The following LIMCH1 variants were observed in gnomAD, a reference collection of about 807,000 sequenced individuals.
LIMCH1 encodes LIM and calponin homology domains-containing protein 1.
In LIMCH1, 113 loss-of-function variants were observed where a neutral mutation model predicts 176.5. The observed-to-expected ratio is 0.64, with a 90% confidence interval of 0.55 to 0.75. The LOEUF (loss-of-function observed/expected upper bound fraction) is 0.75, where lower values mean the gene tolerates loss of function less well. LIMCH1 is among the 30% of genes least tolerant of loss of function. The pLI is 0.00. For missense variants in LIMCH1, 1,674 were observed against 1,814.9 expected (o/e 0.92, Z 1.41); for synonymous variants, 619 against 645.9 (o/e 0.96, Z 0.63).
At chr4:41,477,477 T>A (rs1239157639) in intron 1 of LIMCH1, among the ~76,000 whole-genome samples, 1 of 152,036 alleles carries the variant, frequency 6.6e-6, no homozygotes, top group Non-Finnish European at 1.5e-5. Context: ...AGTAAACGAG[T>A]TGATGAAGAT....
intron 1 of LIMCH1, among the ~76,000 whole-genome samples, chr4:41,431,696 TCTCTA>T (rs2061618673): frequency 1.3e-5 from 2 of 152,212 alleles, no homozygotes; most frequent in African/African-American, 4.8e-5. Context: ...TATGTTTTCT[TCTCTA>T]CTCACATTTT....
chr4:41,642,360 G>C (rs1172456680), intron 14 of LIMCH1, among the ~76,000 whole-genome samples: 1 of 151,850 alleles, frequency 6.6e-6, no homozygotes, highest in Admixed American at 6.6e-5. Flanking sequence ...GAATTTTTGT[G>C]TCTTTCTGGA....
intron 22 of LIMCH1, among the ~76,000 whole-genome samples, chr4:41,673,494 G>A (rs576535262): frequency 1.5e-4 from 23 of 152,250 alleles, no homozygotes; most frequent in Admixed American, 1.4e-3. Flanking sequence ...GATAGTAAAT[G>A]TCTCATCATA....
chr4:41,487,003 T>C (rs67272765), intron 1 of LIMCH1, among the ~76,000 whole-genome samples: 20,745 of 125,704 alleles, frequency 0.17, 1,562 homozygotes, highest in South Asian at 0.27. Flanking sequence ...CACACACACA[T>C]ATATATATAC....
intron 18 of LIMCH1, among the ~76,000 whole-genome samples, chr4:41,656,412 A>T (rs988248567): frequency 2.0e-5 from 3 of 152,236 alleles, no homozygotes; most frequent in Non-Finnish European, 2.9e-5. Flanking sequence ...AAGTCATTAA[A>T]GATATTTAGA....
chr4:41,514,457 C>G (rs2075342545), intron 2 of LIMCH1, among the ~76,000 whole-genome samples: 1 of 152,096 alleles, frequency 6.6e-6, no homozygotes, highest in Non-Finnish European at 1.5e-5. Flanking sequence ...GGGGAGGAAG[C>G]AGTAAGCATG....
chr4:41,426,017 CTTTTTTT>C (rs913325890), intron 1 of LIMCH1, among the ~76,000 whole-genome samples: 1 of 102,884 alleles, frequency 9.7e-6, no homozygotes, highest in Non-Finnish European at 1.9e-5. Flanking sequence ...TGAAAAGATT[CTTTTTTT>C]TTTTTTTTTT....
Position 41,521,772 on chromosome 4 carries a change from C to T in LIMCH1, c.168-2637C>T, listed in dbSNP as rs187120823. ...TATGGTAAAACATTGTGAGAGAAAT[C>T]ATAGTTTCTGCTACTTTTAAGTAAG... On this transcript the variant is annotated intron_variant, in intron 2 of 26. Coordinates refer to the LIMCH1 transcript ENST00000313860. 4.2e-3 allele frequency among the ~76,000 whole-genome samples: 643 copies of T among 152,064 alleles called. 3 individuals are homozygous for T. Among genetic ancestry groups the T allele is most frequent in the Non-Finnish European group, 7.3e-3 (493 of 67,970 alleles).
chr4:41,422,042 C>T (rs1298130784), intron 1 of LIMCH1, among the ~76,000 whole-genome samples: 2 of 152,014 alleles, frequency 1.3e-5, no homozygotes, highest in East Asian at 3.9e-4. Flanking sequence ...GGGATCACAC[C>T]ACTGCACTCC....
At chr4:41,606,302 C>T (rs1005457822) in intron 4 of LIMCH1, among the ~76,000 whole-genome samples, 2 of 152,138 alleles carry the variant, frequency 1.3e-5, no homozygotes, top group Non-Finnish European at 2.9e-5. Context: ...ATGCTCAGTG[C>T]TTGTTTTCTT....
In LIMCH1 at chr4:41,662,828, G is replaced by A; in HGVS notation, c.3135G>A (p.Gln1045=). The A allele has an allele frequency of 6.2e-7, 1 of 1,613,994 alleles. No individual in the cohort carries two copies. The highest frequency in any genetic ancestry group is 8.5e-7 in the Non-Finnish European group (1 of 1,179,954). ...GNIELASSEP[Q]HFTTTVTRCS... is the part of the protein sequence containing the mutation. ...GATGTAACTCCATTGCAGAACCACA[G>A]CATTTTACAACAACTGTGACTCGAT... is the stretch of plus-strand genomic sequence containing the variant. Residue 1045 remains glutamine (Q), a synonymous_variant, in exon 20 of 32, where the codon CAG becomes CAA. Coordinates refer to ENST00000503057, the MANE Select transcript of LIMCH1 (RefSeq NM_001330672.2).
At chr4:41,602,007 C>A (rs2090000007) in intron 2 of LIMCH1, among the ~76,000 whole-genome samples, 1 of 150,166 alleles carries the variant, frequency 6.7e-6, no homozygotes, top group African/African-American at 2.4e-5. Flanking sequence ...GGATGGTTTT[C>A]TGGAAGTTTT....
At chr4:41,643,523 T>C (rs1006424521) in intron 14 of LIMCH1, among the ~76,000 whole-genome samples, 1 of 152,234 alleles carries the variant, frequency 6.6e-6, no homozygotes, top group Non-Finnish European at 1.5e-5. Context: ...GTTTTCATCT[T>C]GCTGCTTCAG....
chr4:41,522,381 T>C (rs955662344), intron 2 of LIMCH1, among the ~76,000 whole-genome samples: 4 of 152,162 alleles, frequency 2.6e-5, no homozygotes, highest in African/African-American at 9.7e-5. Context: ...TAAATTCTCC[T>C]CTGGAAAGTC....
intron 11 of LIMCH1, 33 bp downstream of exon 11, chr4:41,632,900 G>A (rs773879570): frequency 2.0e-6 from 3 of 1,532,300 alleles, no homozygotes; most frequent in Non-Finnish European, 2.6e-6. Context: ...TTCCCGGGAG[G>A]TGAAGGAGGA....
At chr4:41,697,114 A>C in intron 31 of LIMCH1, 46 bp from the exon 32 acceptor site, 1 of 1,609,166 alleles carries the variant, frequency 6.2e-7, no homozygotes, top group South Asian at 1.1e-5. Context: ...TGAAGCGAGA[A>C]ATGTTGCCTA....
intron 1 of LIMCH1, among the ~76,000 whole-genome samples, chr4:41,571,644 G>A (rs1388952425): frequency 6.6e-6 from 1 of 152,162 alleles, no homozygotes; most frequent in African/African-American, 2.4e-5. Flanking sequence ...TAAAAGTTTG[G>A]TGTGAGGTCC....
chr4:41,582,531 T>A (rs1051583424), intron 1 of LIMCH1, among the ~76,000 whole-genome samples: 1 of 152,164 alleles, frequency 6.6e-6, no homozygotes, highest in Admixed American at 6.5e-5. Flanking sequence ...TGGTAAGGGG[T>A]AGGGGTTCTG....
intron 2 of LIMCH1, among the ~76,000 whole-genome samples, chr4:41,503,406 G>A (rs1160350383): frequency 6.6e-6 from 1 of 152,130 alleles, no homozygotes; most frequent in East Asian, 1.9e-4. Context: ...TTAAGAAGCT[G>A]TTATCAAAGA....
Sources: allele counts gnomAD v4.1 joint callset (sites outside exome capture counted in the v4.1 genomes callset), GRCh38; gene constraint gnomAD v4.1.1; transcripts MANE v1.5; gene names NCBI Gene and HGNC (gene_info 2026-07-23, HGNC 2026-07-21).